The following PRRG1 variants were observed in gnomAD, a reference collection of about 807,000 sequenced individuals.
The protein encoded by PRRG1 is transmembrane gamma-carboxyglutamic acid protein 1.
Under a neutral mutation model 11.8 loss-of-function variants are expected in PRRG1, and 5 were observed. The ratio of observed to expected loss-of-function variants is 0.42; its 90% CI spans 0.22 to 0.89. PRRG1 has a LOEUF of 0.89. Among genes scored for constraint, PRRG1 ranks in the 40% least tolerant of loss-of-function variants. PRRG1 has a pLI of 0.28. For synonymous variants in PRRG1, 66 were observed against 60.4 expected, an observed-to-expected ratio of 1.09 and a Z score of -0.43; for missense variants, 155 against 166.1, an observed-to-expected ratio of 0.93 and a Z score of 0.37.
chrX:37,446,436 C>G (rs1556395209), intron 3 of PRRG1, among the ~76,000 whole-genome samples: 2 of 111,708 alleles, frequency 1.8e-5, no homozygotes, highest in Admixed American at 9.5e-5. Context: ...TGTTGACTTC[C>G]CAGAAATAAT....
At chrX:37,402,521 A>G (rs1334937331) in intron 1 of PRRG1, among the ~76,000 whole-genome samples, 1 of 112,026 alleles carries the variant, frequency 8.9e-6, no homozygotes, top group Non-Finnish European at 1.9e-5. Flanking sequence ...ACCTAAAACC[A>G]TAAAAACCCT....
chrX:37,359,106 A>G (rs1930334735), intron 1 of PRRG1, among the ~76,000 whole-genome samples: 1 of 111,677 alleles, frequency 9.0e-6, no homozygotes, highest in Non-Finnish European at 1.9e-5. Context: ...TTCCTTCCCA[A>G]TTGGTATACC....
Position 37,378,064 on chromosome X carries a change from T to C in PRRG1, c.-41-28145T>C, listed in dbSNP as rs1391541946. Among the ~76,000 whole-genome samples, 5 of 112,143 alleles carry C rather than the reference T, an allele frequency of 4.5e-5. No individual in the cohort carries two copies. In the East Asian group the frequency reaches 1.1e-3, roughly 25 times the overall value. On this transcript the variant is annotated intron_variant, in intron 1 of 3. Transcript: ENST00000378628. ...TGTGAAAAACAATTTTAGACCAGAA[T>C]AGCAAGGTGAGTAAGGCCAAAGAAT...
At chrX:37,353,945 GTTAT>G (rs1168177665) in intron 1 of PRRG1, among the ~76,000 whole-genome samples, 2 of 112,607 alleles carry the variant, frequency 1.8e-5, no homozygotes, top group African/African-American at 6.5e-5. Flanking sequence ...GTTAGCTGTT[GTTAT>G]TTATGTCTGC....
intron 3 of PRRG1, among the ~76,000 whole-genome samples, chrX:37,430,282 C>A (rs1286825026): frequency 8.9e-6 from 1 of 111,940 alleles, no homozygotes; most frequent in East Asian, 2.8e-4. Context: ...CATATGTATA[C>A]ATGCATACAA....
At chrX:37,356,260 G>A (rs1556366146) in intron 1 of PRRG1, among the ~76,000 whole-genome samples, 1 of 111,451 alleles carries the variant, frequency 9.0e-6, no homozygotes, top group Non-Finnish European at 1.9e-5. Flanking sequence ...TGAATGGGGG[G>A]ACCTACAGGT....
At position 37,454,020 on chromosome X, in the gene PRRG1, A is replaced by G. The variant is rs1232167774; in HGVS notation, c.*399A>G. ...CTCACCAAAATTGCAAAACAAGGGT[A>G]TCAAGAATTTGTGTAATAGCCAGTG... is the stretch of plus-strand genomic sequence containing the variant. On this transcript the variant is annotated 3_prime_UTR_variant, in exon 4 of 4. Coordinates refer to ENST00000378628, the MANE Select transcript of PRRG1 (RefSeq NM_001142395.2). 1.7e-5 allele frequency: 2 copies of G among 115,797 alleles called. No individual in the cohort carries two copies. Among genetic ancestry groups the G allele is most frequent in the African/African-American group, 6.4e-5 (2 of 31,136 alleles). The allele number at this position is 115,797 out of a possible 1,213,427, so 9.5% of individuals were successfully genotyped here.
At chrX:37,449,165 G>A (rs782234949) in intron 3 of PRRG1, among the ~76,000 whole-genome samples, 2 of 111,351 alleles carry the variant, frequency 1.8e-5, no homozygotes, top group Non-Finnish European at 3.8e-5. Context: ...AGCTTTTGGA[G>A]TTAGGATTGG....
intron 3 of PRRG1, among the ~76,000 whole-genome samples, chrX:37,452,445 A>G (rs1292844205): frequency 8.9e-6 from 1 of 112,129 alleles, no homozygotes; most frequent in African/African-American, 3.2e-5. Flanking sequence ...CTTCTCCTAC[A>G]TACGTTAAAG....
chrX:37,361,326 A>C (rs1399451509), intron 1 of PRRG1, among the ~76,000 whole-genome samples: 1 of 106,386 alleles, frequency 9.4e-6, no homozygotes, highest in East Asian at 2.9e-4. Flanking sequence ...TGGGCGACAG[A>C]GCGAGACTCA....
At chrX:37,446,954 G>A in intron 3 of PRRG1, among the ~76,000 whole-genome samples, 1 of 111,377 alleles carries the variant, frequency 9.0e-6, no homozygotes. Context: ...AGACATTCAT[G>A]TGCCACCCCA....
intron 1 of PRRG1, among the ~76,000 whole-genome samples, chrX:37,375,961 T>G (rs1157538266): frequency 1.8e-5 from 2 of 111,260 alleles, no homozygotes; most frequent in Non-Finnish European, 3.8e-5. Flanking sequence ...CTTCAGAAAG[T>G]TGGATTTTCT....
intron 2 of PRRG1, among the ~76,000 whole-genome samples, chrX:37,419,236 A>T (rs1020829843): frequency 8.9e-6 from 1 of 112,194 alleles, no homozygotes; most frequent in Non-Finnish European, 1.9e-5. Flanking sequence ...CTTTTCTTTC[A>T]TAATCTATCC....
At chrX:37,356,833 A>G (rs1930250561) in intron 1 of PRRG1, among the ~76,000 whole-genome samples, 1 of 111,174 alleles carries the variant, frequency 9.0e-6, no homozygotes, top group Non-Finnish European at 1.9e-5. Flanking sequence ...TCACATACAC[A>G]ACCTCCTGCA....
chrX:37,423,914 A>C (rs1317479057), intron 2 of PRRG1, among the ~76,000 whole-genome samples: 1 of 110,736 alleles, frequency 9.0e-6, no homozygotes, highest in Non-Finnish European at 1.9e-5. Flanking sequence ...GTATCTTTTC[A>C]ATGTTTAGAT....
At chrX:37,411,864 G>A (rs181867132) in intron 2 of PRRG1, among the ~76,000 whole-genome samples, 3 of 111,822 alleles carry the variant, frequency 2.7e-5, no homozygotes, top group Non-Finnish European at 5.7e-5. Context: ...AGCAATATCT[G>A]GAATAGCTTA....
At chrX:37,391,537 A>T (rs985644351) in intron 1 of PRRG1, among the ~76,000 whole-genome samples, 1 of 111,837 alleles carries the variant, frequency 8.9e-6, no homozygotes, top group African/African-American at 3.2e-5. Flanking sequence ...TGGAGAAAAT[A>T]TTTGTTTTTA....
At chrX:37,433,796 T>C (rs1227480490) in intron 3 of PRRG1, among the ~76,000 whole-genome samples, 1 of 112,431 alleles carries the variant, frequency 8.9e-6, no homozygotes, top group African/African-American at 3.2e-5. Flanking sequence ...AGTTGGCTGA[T>C]AGATAATAGA....
intron 2 of PRRG1, among the ~76,000 whole-genome samples, chrX:37,414,042 G>A (rs782365228): frequency 1.3e-4 from 14 of 111,401 alleles, no homozygotes; most frequent in Non-Finnish European, 2.6e-4. Flanking sequence ...TGATGTTTGC[G>A]TAACAACAAA....
Sources: allele counts gnomAD v4.1 joint callset (sites outside exome capture counted in the v4.1 genomes callset), GRCh38; gene constraint gnomAD v4.1.1; transcripts MANE v1.5; gene names NCBI Gene and HGNC (gene_info 2026-07-23, HGNC 2026-07-21).